SGK3: variants seen among roughly 807,000 people sequenced by gnomAD.
The protein encoded by SGK3 is serine/threonine-protein kinase Sgk3.
Under a neutral mutation model 68.5 loss-of-function variants are expected in SGK3, and 47 were observed. That is an observed-to-expected ratio of 0.69 (90% CI 0.54 to 0.87). The LOEUF is 0.87. Ranked by LOEUF, SGK3 falls within the 40% of genes least tolerant of loss-of-function variation. SGK3 has a pLI of 0.00. For synonymous variants in SGK3, 181 were observed against 189.1 expected, an observed-to-expected ratio of 0.96 and a Z score of 0.35; for missense variants, 479 against 575.5, an observed-to-expected ratio of 0.83 and a Z score of 1.72.
chr8:66,818,046 G>A (rs924712515), intron 5 of SGK3, among the ~76,000 whole-genome samples: 1 of 152,146 alleles, frequency 6.6e-6, no homozygotes. Context: ...CCGAGCCCAG[G>A]AGATCCAGGC....
chr8:66,766,719 A>G (rs779934233), intron 1 of SGK3, among the ~76,000 whole-genome samples: 5 of 152,126 alleles, frequency 3.3e-5, no homozygotes, highest in Non-Finnish European at 7.4e-5. Context: ...AAGCTCTGTT[A>G]TTAGGTACGT....
intron 2 of SGK3, among the ~76,000 whole-genome samples, chr8:66,796,556 C>T (rs1807703919): frequency 6.6e-6 from 1 of 151,626 alleles, no homozygotes; most frequent in Non-Finnish European, 1.5e-5. Context: ...CCTCAGCCTC[C>T]CGAAGTGCTG....
intron 1 of SGK3, among the ~76,000 whole-genome samples, chr8:66,755,826 G>C (rs1049154530): frequency 5.9e-5 from 9 of 152,140 alleles, no homozygotes; most frequent in African/African-American, 2.2e-4. Flanking sequence ...TATTAACAGG[G>C]TAAGTGTAGG....
chr8:66,842,117 T>C (rs1809820621), intron 13 of SGK3, among the ~76,000 whole-genome samples: 1 of 152,216 alleles, frequency 6.6e-6, no homozygotes, highest in Non-Finnish European at 1.5e-5. Flanking sequence ...TGCTTGTATA[T>C]ATTTATAACC....
chr8:66,730,379 AT>A (rs1221705685), intron 1 of SGK3, among the ~76,000 whole-genome samples: 3 of 151,928 alleles, frequency 2.0e-5, no homozygotes, highest in Admixed American at 6.6e-5. Context: ...TAATTTACAA[AT>A]TTTTTTTATT....
At chr8:66,791,914 G>T (rs982392430) in intron 1 of SGK3, among the ~76,000 whole-genome samples, 2 of 152,208 alleles carry the variant, frequency 1.3e-5, no homozygotes, top group Non-Finnish European at 2.9e-5. Flanking sequence ...TCTTACTGGG[G>T]CAAAGCAGCT....
chr8:66,719,931 G>A (rs1257496101), intron 1 of SGK3, among the ~76,000 whole-genome samples: 1 of 152,164 alleles, frequency 6.6e-6, no homozygotes, highest in Admixed American at 6.6e-5. Flanking sequence ...TATCTTCAAT[G>A]CCATTTTTAA....
At chr8:66,817,438 A>C (rs1480435579) in intron 5 of SGK3, among the ~76,000 whole-genome samples, 3 of 151,730 alleles carry the variant, frequency 2.0e-5, no homozygotes, top group Non-Finnish European at 4.4e-5. Flanking sequence ...TCAAAAAAAA[A>C]ACAAAAAAAC....
At chr8:66,823,073 T>A (rs1808910726) in intron 6 of SGK3, among the ~76,000 whole-genome samples, 1 of 152,198 alleles carries the variant, frequency 6.6e-6, no homozygotes, top group African/African-American at 2.4e-5. Flanking sequence ...ATCCTGGTGA[T>A]TTTCTTTCCA....
rs923434922 is a variant in SGK3, at chr8:66,793,634, A to G, written c.-103A>G. ...GGTTAAGGTTGCATGATGGAATTTGAACATTACTTCAAGAGGTTTTGTATT... is the reference window on the plus strand; with the variant it reads ...GGTTAAGGTTGCATGATGGAATTTGGACATTACTTCAAGAGGTTTTGTATT... On this transcript the variant is annotated 5_prime_UTR_variant, in exon 2 of 17. Coordinates refer to ENST00000521198, the MANE Select transcript of SGK3 (RefSeq NM_001033578.3). The G allele has an allele frequency of 1.5e-5, 16 of 1,056,588 alleles. No homozygotes were observed. The African/African-American group carries it at 2.4e-4, about 16-fold the overall frequency. 65.5% of individuals were successfully genotyped at this position (1,056,588 alleles called of 1,614,324 possible).
chr8:66,830,757 C>CT (rs927740017), intron 7 of SGK3, among the ~76,000 whole-genome samples: 19 of 152,184 alleles, frequency 1.2e-4, no homozygotes, highest in Admixed American at 4.6e-4. Context: ...ACTGTAATGA[C>CT]TTTTTTCTCC....
At chr8:66,768,744 T>TA (rs2130482742) in intron 1 of SGK3, among the ~76,000 whole-genome samples, 1 of 152,262 alleles carries the variant, frequency 6.6e-6, no homozygotes, top group Admixed American at 6.5e-5. Context: ...TTTGTATTTT[T>TA]AGTAGAGTCA....
chr8:66,791,469 C>T (rs1351176181), intron 1 of SGK3, among the ~76,000 whole-genome samples: 2 of 152,152 alleles, frequency 1.3e-5, no homozygotes, highest in Admixed American at 6.5e-5. Flanking sequence ...ACACTTAACT[C>T]CCAGCTGTAC....
Position 66,828,659 on chromosome 8 carries a change from C to A in SGK3, c.423C>A (p.His141Gln), listed in dbSNP as rs55878501. Residue 141 changes from histidine (H) to glutamine (Q), a missense_variant, in exon 7 of 17, where the codon CAC (histidine) becomes CAA (glutamine). By Grantham distance (24) the His-to-Gln change is conservative. Transcript: ENST00000521198. ...DEDERSSQKL[H>Q]STSQNINLGP... is the part of the protein sequence containing the mutation. ...TTCTTTCCCCACCTTCACAGCTACA[C>A]TCTACCTCACAGAACATCAACCTGG... The A allele has an allele frequency of 6.2e-7, 1 of 1,613,846 alleles. No individual in the cohort carries two copies. Among genetic ancestry groups the A allele is most frequent in the African/African-American group, 1.3e-5 (1 of 74,898 alleles).
intron 1 of SGK3, among the ~76,000 whole-genome samples, chr8:66,733,539 A>G (rs1054348020): frequency 3.3e-5 from 5 of 152,222 alleles, no homozygotes; most frequent in Admixed American, 2.0e-4. Context: ...TAGCCATTTG[A>G]TAAATAAATG....
chr8:66,755,039 A>G (rs1158659210), intron 1 of SGK3, among the ~76,000 whole-genome samples: 2 of 152,132 alleles, frequency 1.3e-5, no homozygotes, highest in African/African-American at 4.8e-5. Flanking sequence ...CGGGTGGATC[A>G]CCTGAGGTCA....
chr8:66,822,720 G>A (rs1198577538), intron 6 of SGK3, among the ~76,000 whole-genome samples: 2 of 152,194 alleles, frequency 1.3e-5, no homozygotes, highest in African/African-American at 2.4e-5. Flanking sequence ...CCAGGTTCAA[G>A]CGATTCTCCT....
At chr8:66,822,054 G>A (rs577602913) in intron 5 of SGK3, among the ~76,000 whole-genome samples, 10 of 147,856 alleles carry the variant, frequency 6.8e-5, no homozygotes, top group African/African-American at 2.5e-4. Context: ...CGGACATAAC[G>A]TGATATCTCA....
At chr8:66,734,223 T>C (rs1439862814) in intron 1 of SGK3, among the ~76,000 whole-genome samples, 3 of 146,200 alleles carry the variant, frequency 2.1e-5, no homozygotes, top group African/African-American at 8.0e-5. Context: ...TTTTTCTTTT[T>C]CTTTCTTTTT....
Sources: gnomAD v4.1 joint callset for allele counts (sites outside exome capture counted in the v4.1 genomes callset) on GRCh38, gnomAD v4.1.1 for gene constraint, MANE v1.5 for transcripts, NCBI Gene and HGNC (gene_info 2026-07-23, HGNC 2026-07-21) for gene names.